The following P3H2 variants were observed in gnomAD, a reference collection of about 807,000 sequenced individuals.
The protein encoded by P3H2 is prolyl 3-hydroxylase 2.
Under a neutral mutation model 87.0 loss-of-function variants are expected in P3H2, and 80 were observed. That is an observed-to-expected ratio of 0.92 (90% CI 0.77 to 1.11). The LOEUF (loss-of-function observed/expected upper bound fraction) is 1.11, where lower values mean the gene tolerates loss of function less well. Among genes scored for constraint, P3H2 ranks in the 50% least tolerant of loss-of-function variants. The pLI is 0.00. For synonymous variants in P3H2, 367 were observed against 359.3 expected, an observed-to-expected ratio of 1.02 and a Z score of -0.24; for missense variants, 1,001 against 923.9, an observed-to-expected ratio of 1.08 and a Z score of -1.08.
chr3:189,970,793 T>A (rs1577246190), intron 13 of P3H2, 23 bp downstream of exon 13: 1 of 1,370,438 alleles, frequency 7.3e-7, no homozygotes. Flanking sequence ...ACTAAATAAG[T>A]ATTCAAGAAT....
intron 1 of P3H2, among the ~76,000 whole-genome samples, chr3:190,103,450 C>CT (rs1711711468): frequency 5.3e-5 from 8 of 152,176 alleles, no homozygotes; most frequent in Admixed American, 3.9e-4. Context: ...ATTCCAAACT[C>CT]TGTGTAAATT....
chr3:190,080,940 T>C (rs2108979257), intron 1 of P3H2, among the ~76,000 whole-genome samples: 1 of 152,328 alleles, frequency 6.6e-6, no homozygotes, highest in Non-Finnish European at 1.5e-5. Context: ...AGACAATAAT[T>C]TACTTCCAAA....
chr3:190,092,230 C>CAA (rs10693056), intron 1 of P3H2, among the ~76,000 whole-genome samples: 52,061 of 137,702 alleles, frequency 0.38, 9,674 homozygotes, highest in African/African-American at 0.47. Flanking sequence ...GAGACTCCGT[C>CAA]AAAAAAAAAA....
intron 1 of P3H2, among the ~76,000 whole-genome samples, chr3:190,047,049 A>AC (rs71175331): frequency 3.3e-5 from 5 of 150,896 alleles, no homozygotes; most frequent in Non-Finnish European, 7.4e-5. Flanking sequence ...AACAAAACAA[A>AC]AAAACAAATA....
intron 1 of P3H2, among the ~76,000 whole-genome samples, chr3:190,093,073 T>C (rs940625205): frequency 2.0e-5 from 3 of 152,148 alleles, no homozygotes; most frequent in Non-Finnish European, 4.4e-5. Flanking sequence ...GATAAAATCA[T>C]GAAAAGAATG....
chr3:189,994,174 C>T lies in P3H2; in HGVS notation c.743G>A (p.Arg248Gln), dbSNP rs776540365. The change falls in exon 3 of 15, where the codon CGG (arginine) becomes CAG (glutamine). Residue 248 changes from arginine (R) to glutamine (Q), a missense_variant. By Grantham distance (43) the Arg-to-Gln change is conservative. Coordinates refer to ENST00000319332, the MANE Select transcript of P3H2 (RefSeq NM_018192.4). ...TCTCTGAGGCCCCTCACATAGGGTC[C>T]GGCATTCTGTATCTTCAACGAAATA... The part of the protein sequence containing the change: ...REYFVEDTEC[R>Q]TLCEGPQRFE... The T allele has an allele frequency of 3.3e-5, 53 of 1,613,500 alleles. No individual in the cohort carries two copies. The highest frequency in any genetic ancestry group is 2.0e-4 in the Admixed American group (12 of 59,976).
At chr3:189,959,986 C>T (rs928976257) in intron 14 of P3H2, among the ~76,000 whole-genome samples, 4 of 151,708 alleles carry the variant, frequency 2.6e-5, no homozygotes, top group African/African-American at 4.8e-5. Context: ...CTGTGGAATC[C>T]GACTCCTGCC....
At chr3:190,070,605 C>T (rs919673170) in intron 1 of P3H2, among the ~76,000 whole-genome samples, 4 of 152,156 alleles carry the variant, frequency 2.6e-5, no homozygotes, top group African/African-American at 9.7e-5. Context: ...ATCAAAGAGG[C>T]AACGACTTAC....
At chr3:189,985,483 T>G (rs1298120616) in intron 6 of P3H2, among the ~76,000 whole-genome samples, 1 of 151,516 alleles carries the variant, frequency 6.6e-6, no homozygotes, top group Non-Finnish European at 1.5e-5. Context: ...CAATCTGTTG[T>G]GAGCTATGAG....
chr3:190,041,616 G>A (rs1233387616), intron 1 of P3H2, among the ~76,000 whole-genome samples: 1 of 152,152 alleles, frequency 6.6e-6, no homozygotes, highest in Non-Finnish European at 1.5e-5. Flanking sequence ...CAAAGACCTA[G>A]GTCAATAGCA....
chr3:190,109,197 CT>C (rs1227111484), intron 1 of P3H2, among the ~76,000 whole-genome samples: 1 of 152,170 alleles, frequency 6.6e-6, no homozygotes, highest in Non-Finnish European at 1.5e-5. Context: ...AATCTAATTG[CT>C]TTTGGCTTTC....
chr3:190,105,299 G>A (rs1178255317), intron 1 of P3H2, among the ~76,000 whole-genome samples: 1 of 152,118 alleles, frequency 6.6e-6, no homozygotes, highest in African/African-American at 2.4e-5. Flanking sequence ...CTGTTATTTG[G>A]TCCTAGTGCT....
chr3:190,030,286 A>G (rs1409504122), intron 1 of P3H2, among the ~76,000 whole-genome samples: 5 of 152,180 alleles, frequency 3.3e-5, no homozygotes, highest in African/African-American at 1.2e-4. Context: ...AAACAATGAG[A>G]TTTTGGCTGG....
chr3:190,105,765 A>G (rs1711808894), intron 1 of P3H2, among the ~76,000 whole-genome samples: 1 of 152,214 alleles, frequency 6.6e-6, no homozygotes, highest in South Asian at 2.1e-4. Flanking sequence ...TAGCATCTCA[A>G]GCTGGCAGAT....
chr3:190,073,212 T>A (rs1005563582), intron 1 of P3H2, among the ~76,000 whole-genome samples: 5 of 152,220 alleles, frequency 3.3e-5, no homozygotes, highest in African/African-American at 9.6e-5. Flanking sequence ...TGTGCTTTTC[T>A]GTGTGTCTGT....
At chr3:189,984,774 T>C (rs1316158947) in intron 6 of P3H2, among the ~76,000 whole-genome samples, 184 bp from the exon 7 acceptor site, 1 of 152,158 alleles carries the variant, frequency 6.6e-6, no homozygotes. Flanking sequence ...AGGCTAAAGT[T>C]AGTGGAGATT....
intron 1 of P3H2, among the ~76,000 whole-genome samples, chr3:190,029,343 G>A (rs1725182542): frequency 1.3e-5 from 2 of 152,158 alleles, no homozygotes; most frequent in Admixed American, 1.3e-4. Flanking sequence ...ACTTTTAAAA[G>A]TCACCATACT....
intron 1 of P3H2, among the ~76,000 whole-genome samples, chr3:190,075,763 G>C (rs1726852872): frequency 6.6e-6 from 1 of 152,134 alleles, no homozygotes; most frequent in South Asian, 2.1e-4. Context: ...AGGATTAATA[G>C]GAGATCAGGT....
At chr3:189,992,690 T>C (rs1324764616) in intron 3 of P3H2, among the ~76,000 whole-genome samples, 1 of 152,180 alleles carries the variant, frequency 6.6e-6, no homozygotes, top group African/African-American at 2.4e-5. Context: ...AAATTCCTCA[T>C]TTACAAAAGG....
Sources: gnomAD v4.1 joint callset for allele counts (sites outside exome capture counted in the v4.1 genomes callset) on GRCh38, gnomAD v4.1.1 for gene constraint, MANE v1.5 for transcripts, NCBI Gene and HGNC (gene_info 2026-07-23, HGNC 2026-07-21) for gene names.